Variants in CST7 observed in about 807,000 individuals in gnomAD.
The protein encoded by CST7 is cystatin F, also known as cystatin-F.
CST7 carries 15 observed loss-of-function variants against 13.1 expected under a neutral mutation model. The observed-to-expected ratio is 1.14, with a 90% CI of 0.77 to 1.76. CST7 has a LOEUF of 1.76. Ranked by LOEUF, CST7 falls within the 40% of genes most tolerant of loss-of-function variation. The probability of loss-of-function intolerance (pLI) is 0.00; values close to 1 mark genes in which losing one functional copy is unlikely to be tolerated. For synonymous variants in CST7, 75 were observed against 66.9 expected (o/e 1.12, Z -0.59); for missense variants, 193 against 178.8 (o/e 1.08, Z -0.45).
intron 1 of CST7, among the ~76,000 whole-genome samples, chr20:24,956,258 C>T (rs750503938): frequency 6.6e-6 from 1 of 152,198 alleles, no homozygotes; most frequent in Admixed American, 6.5e-5. Context: ...GCAGACCTCA[C>T]ACAGCAGTGG....
At chr20:24,955,446 C>CTTTTTT (rs777745036) in intron 1 of CST7, among the ~76,000 whole-genome samples, 3 of 133,408 alleles carry the variant, frequency 2.2e-5, no homozygotes, top group African/African-American at 8.4e-5. Flanking sequence ...GGCCTAAAGT[C>CTTTTTT]TTTTTTTTTT....
At chr20:24,955,587 C>T (rs546785797) in intron 1 of CST7, among the ~76,000 whole-genome samples, 2 of 152,154 alleles carry the variant, frequency 1.3e-5, no homozygotes, top group African/African-American at 2.4e-5. Flanking sequence ...GTACCTGGGA[C>T]TACAGGTGCC....
At chr20:24,952,462 C>T (rs1441192402) in intron 1 of CST7, among the ~76,000 whole-genome samples, 1 of 152,218 alleles carries the variant, frequency 6.6e-6, no homozygotes, top group African/African-American at 2.4e-5. Context: ...GGCAGAGACC[C>T]AAGAGCACAG....
chr20:24,950,057 CAG>C (rs2087810152), intron 1 of CST7, among the ~76,000 whole-genome samples: 1 of 152,186 alleles, frequency 6.6e-6, no homozygotes, highest in African/African-American at 2.4e-5. Flanking sequence ...GGTCAGCACT[CAG>C]GGGGAGGGGG....
At chr20:24,950,745 C>A (rs565402554) in intron 1 of CST7, among the ~76,000 whole-genome samples, 1 of 152,304 alleles carries the variant, frequency 6.6e-6, no homozygotes, top group South Asian at 2.1e-4. Flanking sequence ...CCACCTGCTT[C>A]CCAGCCTCAC....
chr20:24,956,344 T>C (rs1048328219), intron 1 of CST7, among the ~76,000 whole-genome samples: 2 of 152,132 alleles, frequency 1.3e-5, no homozygotes, highest in Admixed American at 6.5e-5. Flanking sequence ...TGCCCAGCTA[T>C]GAAGCCTGTC....
At chr20:24,955,119 GTC>G (rs1160591138) in intron 1 of CST7, among the ~76,000 whole-genome samples, 22 of 151,982 alleles carry the variant, frequency 1.4e-4, no homozygotes, top group African/African-American at 5.3e-4. Context: ...CCATACACGT[GTC>G]TCTTTCTCTG....
chr20:24,951,753 C>T (rs545841122), intron 1 of CST7, among the ~76,000 whole-genome samples: 3 of 152,366 alleles, frequency 2.0e-5, no homozygotes, highest in Admixed American at 6.5e-5. Flanking sequence ...CCCCTCAGGG[C>T]ACCTCTCCTC....
chr20:24,950,934 C>G (rs1164601244), intron 1 of CST7, among the ~76,000 whole-genome samples: 2 of 152,186 alleles, frequency 1.3e-5, no homozygotes, highest in African/African-American at 4.8e-5. Flanking sequence ...GGACATGGAG[C>G]CAGCTGTCCT....
intron 1 of CST7, among the ~76,000 whole-genome samples, chr20:24,951,565 C>G (rs1289365696): frequency 1.3e-5 from 2 of 152,232 alleles, no homozygotes; most frequent in East Asian, 1.9e-4. Context: ...GTCCTGCCCC[C>G]ACTCCACAAC....
rs11906384 is a variant in CST7 at position 24,957,964 on chromosome 20, G to A, written c.243+505G>A. ...CCTTTCCCTGACTCATTCCTACTGC[G>A]CCCGCTCAGCACCCTCCCTCCTAGA... is the stretch of plus-strand genomic sequence containing the variant. On this transcript the variant is annotated intron_variant, in intron 2 of 3. Coordinates refer to ENST00000480798, the MANE Select transcript of CST7 (RefSeq NM_003650.4). 6.1e-3 allele frequency among the ~76,000 whole-genome samples: 930 copies of A among 152,166 alleles called. 15 individuals are homozygous for A. The highest frequency in any genetic ancestry group is 0.022 in the African/African-American group (904 of 41,504).
In CST7 at chr20:24,952,068, G is replaced by A. The variant is rs76192546; in HGVS notation, c.70+2493G>A. Reference sequence around the variant, plus strand: ...GGAGCACTGGGAGCTGCCGCAGGCTGAGCCACCGTCTACGTGGCAAGATTT... The same window carrying A: ...GGAGCACTGGGAGCTGCCGCAGGCTAAGCCACCGTCTACGTGGCAAGATTT... On this transcript the variant is annotated intron_variant, in intron 1 of 3. Coordinates refer to ENST00000480798, the MANE Select transcript of CST7 (RefSeq NM_003650.4). Among the ~76,000 whole-genome samples the A allele has an allele frequency of 3.2e-4, 48 of 152,362 alleles. 1 individual carries two copies. In the East Asian group the frequency reaches 9.3e-3, roughly 29 times the overall value.
Position 24,949,300 on chromosome 20 carries a change from C to G in CST7, c.-206C>G. 1 of 1,463,632 alleles carries G rather than the reference C, an allele frequency of 6.8e-7. No individual in the cohort carries two copies. Among genetic ancestry groups the G allele is most frequent in the Non-Finnish European group, 9.1e-7 (1 of 1,094,012 alleles). 90.7% of individuals were successfully genotyped at this position (1,463,632 alleles called of 1,614,324 possible). A position where few individuals can be genotyped will look rare whatever the true frequency, so the allele number is the denominator to read the frequency against. ...CCATGCTGCCCAAGAAGGCTCAGCA[C>G]AGGCACAAACCATTGCCCGGCACTG... On this transcript the variant is annotated 5_prime_UTR_variant, in exon 1 of 4. Coordinates refer to ENST00000480798, the MANE Select transcript of CST7 (RefSeq NM_003650.4).
chr20:24,957,967 C>G (rs1171775640), intron 2 of CST7, among the ~76,000 whole-genome samples: 4 of 152,184 alleles, frequency 2.6e-5, no homozygotes, highest in African/African-American at 9.7e-5. Context: ...CTACTGCGCC[C>G]GCTCAGCACC....
rs548393572 is a variant in CST7 at position 24,951,042 on chromosome 20, T to C, written c.70+1467T>C. On this transcript the variant is annotated intron_variant, in intron 1 of 3. Coordinates refer to ENST00000480798, the MANE Select transcript of CST7 (RefSeq NM_003650.4). The stretch of plus-strand genomic sequence containing the variant: ...GGCTAGGGACTATAACAGGGTGGCG[T>C]GGGAGCCGATGTGCTGGGCAGCTGG... Among the ~76,000 whole-genome samples the C allele has an allele frequency of 5.9e-5, 9 of 152,248 alleles. No homozygotes were observed. In the East Asian group the frequency reaches 1.7e-3, roughly 29 times the overall value.
At position 24,959,865 on chromosome 20, in the gene CST7, T is replaced by G; in HGVS notation, c.*153T>G. 1.4e-6 allele frequency: 1 copy of G among 695,242 alleles called. No individual in the cohort carries two copies. Among genetic ancestry groups the G allele is most frequent in the Non-Finnish European group, 2.6e-6 (1 of 386,984 alleles). The allele number at this position is 695,242 out of a possible 1,614,324, so 43.1% of individuals were successfully genotyped here. A position where few individuals can be genotyped will look rare whatever the true frequency, so the allele number is the denominator to read the frequency against. On this transcript the variant is annotated 3_prime_UTR_variant, in exon 4 of 4. Transcript: ENST00000480798. ...TGCCACTGGGTCACCGCAGGGCAGC[T>G]GGAATGGCAGCATGGTAGCACCTCC...
intron 1 of CST7, among the ~76,000 whole-genome samples, chr20:24,956,699 CTG>C (rs2087856934): frequency 6.6e-6 from 1 of 151,952 alleles, no homozygotes; most frequent in Non-Finnish European, 1.5e-5. Context: ...GGGCCTGAGA[CTG>C]AGAGCCAGGC....
rs765158816 is a variant in CST7 at position 24,949,564 on chromosome 20, G to A, written c.59G>A (p.Gly20Asp). ...FCCLVLSTTG[G>D]PSPDTCSQDL... Reference sequence around the variant, plus strand: ...TGCCTGGTCTTGAGCACCACTGGGGGCCCTTCCCCAGGTAAGTGGCGTTCT... The same window carrying A: ...TGCCTGGTCTTGAGCACCACTGGGGACCCTTCCCCAGGTAAGTGGCGTTCT... The change falls in exon 1 of 4, where the codon GGC becomes GAC. Residue 20 changes from glycine to aspartate, a missense_variant. By Grantham distance (94) the Gly-to-Asp change is moderately conservative. Coordinates refer to ENST00000480798, the MANE Select transcript of CST7 (RefSeq NM_003650.4). 19 of 1,613,958 alleles carry A rather than the reference G, an allele frequency of 1.2e-5. No individual in the cohort carries two copies. The highest frequency in any genetic ancestry group is 1.5e-5 in the Non-Finnish European group (18 of 1,180,026).
Position 24,959,045 on chromosome 20 carries a change from G to T in CST7, c.360+1G>T, listed in dbSNP as rs1282652782. The T allele has an allele frequency of 6.2e-7, 1 of 1,610,916 alleles. No homozygotes were observed. Among genetic ancestry groups the T allele is most frequent in the East Asian group, 2.2e-5 (1 of 44,864 alleles). ...CCAAACCAACCACACCTTGAAGCAG[G>T]TAAAGCAGCAGGCCCTTCTCTCAGA... On this transcript the variant is annotated splice_donor_variant, in intron 3 of 3. Transcript: ENST00000480798. LOFTEE classifies it high-confidence loss of function.
Sources: gnomAD v4.1 joint callset for allele counts (sites outside exome capture counted in the v4.1 genomes callset) on GRCh38, gnomAD v4.1.1 for gene constraint, MANE v1.5 for transcripts, NCBI Gene and HGNC (gene_info 2026-07-23, HGNC 2026-07-21) for gene names.